The following PARD3B variants were observed in gnomAD, a reference collection of about 807,000 sequenced individuals.
PARD3B encodes the protein partitioning defective 3 homolog B.
PARD3B carries 103 observed loss-of-function variants against 130.2 expected under a neutral mutation model. The ratio of observed to expected loss-of-function variants is 0.79; its 90% CI spans 0.67 to 0.93. PARD3B has a LOEUF of 0.93. Among genes scored for constraint, PARD3B ranks in the 40% least tolerant of loss-of-function variants. The pLI, the probability that PARD3B is intolerant of heterozygous loss-of-function variation, is 0.00. For synonymous variants in PARD3B, 583 were observed against 553.2 expected, an observed-to-expected ratio of 1.05 and a Z score of -0.76; for missense variants, 1,609 against 1,499.2, an observed-to-expected ratio of 1.07 and a Z score of -1.21.
At chr2:205,073,171 G>A (rs566591451) in intron 4 of PARD3B, among the ~76,000 whole-genome samples, 1 of 152,132 alleles carries the variant, frequency 6.6e-6, no homozygotes, top group South Asian at 2.1e-4. Flanking sequence ...TGAATAAATG[G>A]TTATTTGTGT....
intron 4 of PARD3B, chr2:205,103,795 T>C (rs1703001382): frequency 1.0e-6 from 1 of 953,394 alleles, no homozygotes; most frequent in Non-Finnish European, 1.2e-6. Flanking sequence ...ACTTTTCCAC[T>C]GTCCTGGAGT....
intron 2 of PARD3B, among the ~76,000 whole-genome samples, chr2:204,829,931 G>A (rs547643492): frequency 5.3e-5 from 8 of 150,176 alleles, no homozygotes; most frequent in South Asian, 2.1e-4. Flanking sequence ...CCCGGGAGGC[G>A]GAGCTTGCAG....
At position 205,230,315 on chromosome 2, in the gene PARD3B, A is replaced by T. The variant is rs1396586996; in HGVS notation, c.2141-15463A>T. ...TACTGCCTGGCTACTGCTGCTAATT[A>T]TTCAGGACCCACATTTTCTTTAGTC... On this transcript the variant is annotated intron_variant, in intron 15 of 22. Transcript: ENST00000406610. The surrounding 1 kb of genome is among the most constrained non-coding windows in gnomAD (Gnocchi z 4.1). 6.6e-6 allele frequency among the ~76,000 whole-genome samples: 1 copy of T among 152,096 alleles called. No homozygotes were observed. Among genetic ancestry groups the T allele is most frequent in the East Asian group, 1.9e-4 (1 of 5,178 alleles).
intron 1 of PARD3B, among the ~76,000 whole-genome samples, chr2:204,648,704 A>T (rs1386080189): frequency 6.0e-5 from 5 of 82,704 alleles, no homozygotes; most frequent in Non-Finnish European, 1.1e-4. Context: ...AATATATATC[A>T]TATAAATAAT....
chr2:205,219,652 A>T (rs1310036009), intron 15 of PARD3B, among the ~76,000 whole-genome samples: 2 of 152,194 alleles, frequency 1.3e-5, no homozygotes, highest in Non-Finnish European at 2.9e-5. Context: ...TAATTCATGC[A>T]AGAATAAAAT....
chr2:205,264,735 T>C (rs1382462449), intron 16 of PARD3B, among the ~76,000 whole-genome samples: 1 of 151,216 alleles, frequency 6.6e-6, no homozygotes, highest in African/African-American at 2.4e-5. Context: ...TTAGTAAAAA[T>C]AAATTTTGAA....
intron 18 of PARD3B, among the ~76,000 whole-genome samples, chr2:205,329,134 G>C (rs866693064): frequency 2.6e-5 from 4 of 152,120 alleles, no homozygotes; most frequent in Non-Finnish European, 5.9e-5. Flanking sequence ...CAGGCACGGG[G>C]TACAGTGATG....
At chr2:204,707,111 A>G (rs1356745324) in intron 2 of PARD3B, among the ~76,000 whole-genome samples, 1 of 152,172 alleles carries the variant, frequency 6.6e-6, no homozygotes, top group East Asian at 1.9e-4. Flanking sequence ...CTGATATGGC[A>G]GAGTGGTTTC....
Position 205,164,005 on chromosome 2 carries a change from C to G in PARD3B, c.1620+5098C>G, listed in dbSNP as rs563127869. Reference sequence around the variant, plus strand: ...GAATGTCAAAATGCTATTGAAACTCCTCAAATGTAAGAAGCCAAACACTAA... The same window carrying G: ...GAATGTCAAAATGCTATTGAAACTCGTCAAATGTAAGAAGCCAAACACTAA... On this transcript the variant is annotated intron_variant, in intron 11 of 22. Coordinates refer to ENST00000406610, the MANE Select transcript of PARD3B (RefSeq NM_001302769.2). 9.2e-5 allele frequency among the ~76,000 whole-genome samples: 14 copies of G among 152,202 alleles called. No homozygotes were observed. The South Asian group carries it at 2.9e-3, about 32-fold the overall frequency.
At chr2:205,065,821 A>AC (rs1700336381) in intron 4 of PARD3B, among the ~76,000 whole-genome samples, 1 of 152,204 alleles carries the variant, frequency 6.6e-6, no homozygotes, top group African/African-American at 2.4e-5. Context: ...GCCAGAAGCC[A>AC]GGCCATGCCC....
chr2:204,564,629 CA>C (rs537512169), intron 1 of PARD3B, among the ~76,000 whole-genome samples: 6 of 150,330 alleles, frequency 4.0e-5, no homozygotes, highest in African/African-American at 1.5e-4. Flanking sequence ...AACTACAAAA[CA>C]AAAAAAAATG....
chr2:205,115,172 A>G (rs911679765), intron 6 of PARD3B, among the ~76,000 whole-genome samples: 1 of 152,160 alleles, frequency 6.6e-6, no homozygotes, highest in Non-Finnish European at 1.5e-5. Flanking sequence ...ATCAGAAATC[A>G]CATTCTCTCA....
intron 20 of PARD3B, among the ~76,000 whole-genome samples, chr2:205,450,868 C>T (rs1440962466): frequency 6.6e-6 from 1 of 152,188 alleles, no homozygotes. Flanking sequence ...TTGTTTGTTA[C>T]AAACCATAAC....
intron 4 of PARD3B, among the ~76,000 whole-genome samples, chr2:205,059,519 T>C (rs1559399634): frequency 6.6e-6 from 1 of 152,024 alleles, no homozygotes; most frequent in East Asian, 1.9e-4. Flanking sequence ...CTGATCCTTA[T>C]CCACACCCTT....
chr2:205,000,791 A>G (rs1435205501), intron 3 of PARD3B, among the ~76,000 whole-genome samples: 2 of 152,102 alleles, frequency 1.3e-5, no homozygotes, highest in Non-Finnish European at 2.9e-5. Context: ...ACTTCCATCC[A>G]TATTGCTTGA....
At chr2:205,611,663 G>A (rs751792404) in intron 22 of PARD3B, among the ~76,000 whole-genome samples, 45 of 152,180 alleles carry the variant, frequency 3.0e-4, no homozygotes, top group Non-Finnish European at 6.2e-4. Flanking sequence ...AGCCTAATCC[G>A]AAATAAAATA....
At position 205,301,108 on chromosome 2, in the gene PARD3B, T is replaced by C. The variant is rs2041981344; in HGVS notation, c.2393-356T>C. Among the ~76,000 whole-genome samples, 1 of 152,192 alleles carries C rather than the reference T, an allele frequency of 6.6e-6. No homozygotes were observed. Among genetic ancestry groups the C allele is most frequent in the Admixed American group, 6.5e-5 (1 of 15,284 alleles). On this transcript the variant is annotated intron_variant, in intron 17 of 22. Transcript: ENST00000406610. The surrounding 1 kb of genome is among the most constrained non-coding windows in gnomAD (Gnocchi z 5.2). Reference sequence around the variant, plus strand: ...GACTGCATTAATTGGGTAGAAGCAGTTGGGATATTTTGTACTCAAAACTCT... The same window carrying C: ...GACTGCATTAATTGGGTAGAAGCAGCTGGGATATTTTGTACTCAAAACTCT...
chr2:204,940,394 A>G (rs1688807186), intron 2 of PARD3B, among the ~76,000 whole-genome samples: 1 of 152,144 alleles, frequency 6.6e-6, no homozygotes. Context: ...AGCGAACTGG[A>G]GTCTCCAGCC....
chr2:205,085,660 C>T (rs1701699947), intron 4 of PARD3B, among the ~76,000 whole-genome samples: 2 of 151,796 alleles, frequency 1.3e-5, no homozygotes, highest in Non-Finnish European at 2.9e-5. Flanking sequence ...GGGGTTTTCA[C>T]CTTCTTTGTA....
Sources: gnomAD v4.1 joint callset for allele counts (sites outside exome capture counted in the v4.1 genomes callset) on GRCh38, gnomAD v4.1.1 for gene constraint, Gnocchi (gnomAD v3.1) non-coding constraint, MANE v1.5 for transcripts, NCBI Gene and HGNC (gene_info 2026-07-23, HGNC 2026-07-21) for gene names.